LPP: variants seen among roughly 807,000 people sequenced by gnomAD.
LPP encodes LIM domain containing preferred translocation partner in lipoma, also known as lipoma-preferred partner.
LPP carries 38 observed loss-of-function variants against 60.4 expected under a neutral mutation model. The observed-to-expected ratio is 0.63, with a 90% CI of 0.49 to 0.83. The LOEUF is 0.83. Among genes scored for constraint, LPP ranks in the 40% least tolerant of loss-of-function variants. The pLI, the probability that LPP is intolerant of heterozygous loss-of-function variation, is 0.00. For missense variants in LPP, 902 were observed against 783.6 expected, an observed-to-expected ratio of 1.15 and a Z score of -1.80; for synonymous variants, 328 against 290.8, an observed-to-expected ratio of 1.13 and a Z score of -1.30.
intron 8 of LPP, among the ~76,000 whole-genome samples, chr3:188,748,506 G>A (rs936487143): frequency 1.2e-4 from 19 of 152,016 alleles, no homozygotes; most frequent in African/African-American, 3.9e-4. Flanking sequence ...ACAACAGGCC[G>A]GGCACAGCGG....
At chr3:188,242,528 A>G (rs1725344720) in intron 2 of LPP, among the ~76,000 whole-genome samples, 1 of 152,178 alleles carries the variant, frequency 6.6e-6, no homozygotes, top group South Asian at 2.1e-4. Context: ...TTCAACAAAT[A>G]CACACCAGGT....
intron 8 of LPP, among the ~76,000 whole-genome samples, chr3:188,751,865 G>A (rs371325589): frequency 6.6e-6 from 1 of 152,176 alleles, no homozygotes; most frequent in Non-Finnish European, 1.5e-5. Context: ...TCACCCCGGG[G>A]TCTACAAATT....
At chr3:188,861,124 A>G (rs925666814) in intron 9 of LPP, among the ~76,000 whole-genome samples, 4 of 152,128 alleles carry the variant, frequency 2.6e-5, no homozygotes, top group Non-Finnish European at 4.4e-5. Flanking sequence ...GCTCTTTAAT[A>G]TGTGCTTTTT....
At chr3:188,778,934 G>T (rs1297497992) in intron 9 of LPP, among the ~76,000 whole-genome samples, 6 of 152,106 alleles carry the variant, frequency 3.9e-5, no homozygotes, top group African/African-American at 1.4e-4. Context: ...GAAGATTTTT[G>T]AGTGTGATAC....
chr3:188,867,795 G>C (rs1767055188), intron 10 of LPP, among the ~76,000 whole-genome samples: 1 of 152,198 alleles, frequency 6.6e-6, no homozygotes, highest in Non-Finnish European at 1.5e-5. Flanking sequence ...TGCTCACCAG[G>C]TTGGGTATCC....
At chr3:188,632,310 G>A (rs1467017871) in intron 7 of LPP, among the ~76,000 whole-genome samples, 1 of 152,150 alleles carries the variant, frequency 6.6e-6, no homozygotes, top group Non-Finnish European at 1.5e-5. Context: ...GTGATTTAAA[G>A]GCCACCTTCA....
chr3:188,247,455 T>A (rs1727383542), intron 2 of LPP, among the ~76,000 whole-genome samples: 1 of 152,076 alleles, frequency 6.6e-6, no homozygotes. Context: ...GTGAAATTGG[T>A]TTGTAATTTT....
Position 188,874,852 on chromosome 3 carries a change from T to C in LPP, c.*373T>C. The C allele has an allele frequency of 4.1e-6, 1 of 244,898 alleles. No individual in the cohort carries two copies. Among genetic ancestry groups the C allele is most frequent in the Non-Finnish European group, 8.0e-6 (1 of 124,366 alleles). 15.2% of individuals were successfully genotyped at this position (244,898 alleles called of 1,614,324 possible). ...TCACATAGTTTTTCCTGGGTGAGTC[T>C]GCCAACTCACAGGTGCTTTTAGGCT... On this transcript the variant is annotated 3_prime_UTR_variant, in exon 12 of 12. Transcript: ENST00000617246.
intron 3 of LPP, among the ~76,000 whole-genome samples, chr3:188,385,760 C>T (rs940961899): frequency 3.3e-5 from 5 of 152,142 alleles, no homozygotes; most frequent in African/African-American, 1.2e-4. Flanking sequence ...GCTGTTTGTG[C>T]ATCTGTTGGA....
rs896058963 is a variant in LPP, at chr3:188,878,831, A to G, written c.*4352A>G. The G allele has an allele frequency of 1.5e-5, 3 of 200,854 alleles. No individual in the cohort carries two copies. Among genetic ancestry groups the G allele is most frequent in the Admixed American group, 1.2e-4 (2 of 16,662 alleles). The allele number at this position is 200,854 out of a possible 1,614,324, so 12.4% of individuals were successfully genotyped here. A position where few individuals can be genotyped will look rare whatever the true frequency, so the allele number is the denominator to read the frequency against. Reference sequence around the variant, plus strand: ...ACTTTTCATCTTAATATATTCTAGTAGTATTTATTTTTTCCTTGTCTTGGA... The same window carrying G: ...ACTTTTCATCTTAATATATTCTAGTGGTATTTATTTTTTCCTTGTCTTGGA... On this transcript the variant is annotated 3_prime_UTR_variant, in exon 12 of 12. Coordinates refer to ENST00000617246, the MANE Select transcript of LPP (RefSeq NM_001375462.1).
chr3:188,381,616 G>A (rs753596062), intron 3 of LPP, among the ~76,000 whole-genome samples: 2 of 152,180 alleles, frequency 1.3e-5, no homozygotes, highest in Non-Finnish European at 2.9e-5. Flanking sequence ...GGACTGGATT[G>A]TGTCATTCAT....
intron 4 of LPP, among the ~76,000 whole-genome samples, chr3:188,447,731 G>A (rs536214876): frequency 4.0e-5 from 6 of 151,740 alleles, no homozygotes; most frequent in Admixed American, 2.0e-4. Flanking sequence ...AGCCGAGATC[G>A]CGCCATTGCA....
At chr3:188,334,422 CTTTTTT>C (rs71167095) in intron 2 of LPP, among the ~76,000 whole-genome samples, 1 of 98,676 alleles carries the variant, frequency 1.0e-5, no homozygotes, top group South Asian at 3.5e-4. Context: ...ATATTTCTTT[CTTTTTT>C]TTTTTTTTTT....
chr3:188,383,189 C>G (rs558475773), intron 3 of LPP, among the ~76,000 whole-genome samples: 21 of 152,050 alleles, frequency 1.4e-4, no homozygotes, highest in Non-Finnish European at 2.5e-4. Flanking sequence ...TATGAGGATT[C>G]TATTTTTGGG....
chr3:188,666,942 G>T (rs1996245), intron 7 of LPP, among the ~76,000 whole-genome samples: 68,118 of 152,090 alleles, frequency 0.45, 17,656 homozygotes, highest in South Asian at 0.61. Context: ...ATATATAATA[G>T]TGTTTGTATT....
rs1770749879 is a variant in LPP, at chr3:188,886,941, C to A, written c.*12462C>A. On this transcript the variant is annotated 3_prime_UTR_variant, in exon 12 of 12. Transcript: ENST00000617246. ...ATTTATCTCTTAAAATATGCCAAAG[C>A]AATTTGAGGTGGGGGTGGAAACAGG... The A allele has an allele frequency of 4.3e-6, 1 of 230,768 alleles. No homozygotes were observed. Among genetic ancestry groups the A allele is most frequent in the Non-Finnish European group, 8.6e-6 (1 of 116,664 alleles). The allele number at this position is 230,768 out of a possible 1,614,324, so 14.3% of individuals were successfully genotyped here.
intron 8 of LPP, among the ~76,000 whole-genome samples, chr3:188,718,983 C>A (rs549283193): frequency 3.2e-4 from 49 of 152,146 alleles, no homozygotes; most frequent in Non-Finnish European, 6.5e-4. Context: ...TTTTCTCATT[C>A]CTTTTTTTAA....
chr3:188,255,030 C>T (rs928084637), intron 2 of LPP, among the ~76,000 whole-genome samples: 2 of 152,206 alleles, frequency 1.3e-5, no homozygotes, highest in Non-Finnish European at 2.9e-5. Flanking sequence ...AGTATTACTC[C>T]TGCCATGGCT....
chr3:188,589,942 C>A (rs1343875711), intron 6 of LPP, among the ~76,000 whole-genome samples: 1 of 152,138 alleles, frequency 6.6e-6, no homozygotes, highest in Admixed American at 6.5e-5. Context: ...TCCCCTTTTG[C>A]TCTGTTTTTG....
Sources: allele counts gnomAD v4.1 joint callset (sites outside exome capture counted in the v4.1 genomes callset), GRCh38; gene constraint gnomAD v4.1.1; transcripts MANE v1.5; gene names NCBI Gene and HGNC (gene_info 2026-07-23, HGNC 2026-07-21).